The following CPT1A variants were observed in gnomAD, a reference collection of about 807,000 sequenced individuals.
The protein encoded by CPT1A is carnitine O-palmitoyltransferase 1, liver isoform.
CPT1A carries 64 observed loss-of-function variants against 100.8 expected under a neutral mutation model. That is an observed-to-expected ratio of 0.63 (90% CI 0.52 to 0.78). The LOEUF is 0.78. CPT1A is among the 30% of genes least tolerant of loss of function. The probability of loss-of-function intolerance (pLI) is 0.00; values close to 1 mark genes in which losing one functional copy is unlikely to be tolerated. For synonymous variants in CPT1A, 363 were observed against 396.0 expected (o/e 0.92, Z 0.99); for missense variants, 802 against 1,034.1 (o/e 0.78, Z 3.08).
intron 1 of CPT1A, among the ~76,000 whole-genome samples, chr11:68,838,651 G>GCAGTCTC (rs1467493771): frequency 6.8e-6 from 1 of 147,844 alleles, no homozygotes; most frequent in Non-Finnish European, 1.5e-5. Flanking sequence ...ATAGCTCACT[G>GCAGTCTC]CAGTCTCCAC....
intron 6 of CPT1A, among the ~76,000 whole-genome samples, 163 bp downstream of exon 6, chr11:68,799,055 C>T (rs941514480): frequency 6.6e-6 from 1 of 152,198 alleles, no homozygotes; most frequent in Admixed American, 6.5e-5. Context: ...TCCTAACACA[C>T]ACACACTCCA....
rs1376300831 is a variant in CPT1A at position 68,757,478 on chromosome 11, G to C, written c.*166C>G. 6.7e-7 allele frequency: 1 copy of C among 1,496,948 alleles called. No homozygotes were observed. Among genetic ancestry groups the C allele is most frequent in the African/African-American group, 1.4e-5 (1 of 71,570 alleles). 92.7% of individuals were successfully genotyped at this position (1,496,948 alleles called of 1,614,324 possible). A position where few individuals can be genotyped will look rare whatever the true frequency, so the allele number is the denominator to read the frequency against. Reference sequence around the variant, plus strand: ...AAGTAGTGGGGTTATGCTTCACAGGGGAGAGATACTGTTCTAGGAAAAAAA... The same window carrying C: ...AAGTAGTGGGGTTATGCTTCACAGGCGAGAGATACTGTTCTAGGAAAAAAA... On this transcript the variant is annotated 3_prime_UTR_variant, in exon 19 of 19. Coordinates refer to ENST00000265641, the MANE Select transcript of CPT1A (RefSeq NM_001876.4).
At chr11:68,814,750 A>C (rs977334898) in intron 2 of CPT1A, among the ~76,000 whole-genome samples, 3 of 151,670 alleles carry the variant, frequency 2.0e-5, no homozygotes, top group Admixed American at 2.0e-4. Flanking sequence ...GTGGTGGCTC[A>C]ATCATGGCTC....
chr11:68,825,733 C>T (rs1235363060), intron 1 of CPT1A, among the ~76,000 whole-genome samples: 1 of 151,984 alleles, frequency 6.6e-6, no homozygotes. Flanking sequence ...GGTGCTTCCT[C>T]TTCAGGCAGG....
At chr11:68,762,791 G>A in intron 14 of CPT1A, 30 bp from the exon 15 acceptor site, 3 of 1,613,460 alleles carry the variant, frequency 1.9e-6, no homozygotes, top group Non-Finnish European at 1.7e-6. Flanking sequence ...TCAGTGCACG[G>A]CAGGGCATGC....
Position 68,794,938 on chromosome 11 carries a change from T to C in CPT1A, c.772-27A>G, listed in dbSNP as rs191634333. 9.9e-5 allele frequency: 156 copies of C among 1,577,810 alleles called. No individual in the cohort carries two copies. In the Admixed American group the frequency reaches 2.6e-3, roughly 26 times the overall value. ...TGAAAAGCGACAAAGGTGGAGAGAA[T>C]TTGCATAGGGAAAGATAAGCAAATT... On this transcript the variant is annotated intron_variant, in intron 7 of 18. Transcript: ENST00000265641.
At chr11:68,778,331 G>A (rs1855197197) in intron 12 of CPT1A, among the ~76,000 whole-genome samples, 1 of 152,122 alleles carries the variant, frequency 6.6e-6, no homozygotes, top group Non-Finnish European at 1.5e-5. Context: ...AAGCCAGGGG[G>A]AAAAGCCTTC....
At chr11:68,792,046 A>G (rs1855629629) in intron 9 of CPT1A, among the ~76,000 whole-genome samples, 1 of 151,964 alleles carries the variant, frequency 6.6e-6, no homozygotes, top group Non-Finnish European at 1.5e-5. Context: ...GACACTCAAA[A>G]CTGCAGGTCA....
intron 18 of CPT1A, 24 bp downstream of exon 18, chr11:68,759,545 A>T: frequency 4.0e-6 from 6 of 1,499,218 alleles, no homozygotes; most frequent in Non-Finnish European, 4.6e-6. Context: ...ATCTTCAGAA[A>T]AAGGAACTTC....
At chr11:68,798,605 C>T (rs1566366352) in intron 6 of CPT1A, among the ~76,000 whole-genome samples, 1 of 148,674 alleles carries the variant, frequency 6.7e-6, no homozygotes, top group Non-Finnish European at 1.5e-5. Flanking sequence ...GCTCCTGGGA[C>T]CACCGAGCCA....
intron 12 of CPT1A, among the ~76,000 whole-genome samples, chr11:68,777,259 G>A (rs929320792): frequency 2.6e-5 from 4 of 152,010 alleles, no homozygotes; most frequent in East Asian, 1.9e-4. Context: ...GCAAAACCCC[G>A]TCTCTACAAA....
chr11:68,773,571 G>T, intron 13 of CPT1A, 142 bp from the exon 14 acceptor site: 1 of 1,472,170 alleles, frequency 6.8e-7, no homozygotes, highest in Non-Finnish European at 9.1e-7. Context: ...TGACCCAGAA[G>T]CCCTAGTAAG....
intron 1 of CPT1A, among the ~76,000 whole-genome samples, chr11:68,836,962 C>A (rs1306652103): frequency 6.6e-6 from 1 of 152,112 alleles, no homozygotes; most frequent in Non-Finnish European, 1.5e-5. Flanking sequence ...GTTGGCAAAT[C>A]AGGGATAAAT....
intron 1 of CPT1A, among the ~76,000 whole-genome samples, chr11:68,816,392 G>A (rs1206892147): frequency 6.6e-6 from 1 of 152,218 alleles, no homozygotes; most frequent in Non-Finnish European, 1.5e-5. Context: ...CGGCTGAAAC[G>A]GAACGTGCCT....
At chr11:68,761,003 A>C (rs1946797981) in intron 16 of CPT1A, among the ~76,000 whole-genome samples, 1 of 151,968 alleles carries the variant, frequency 6.6e-6, no homozygotes, top group Non-Finnish European at 1.5e-5. Flanking sequence ...CCTGGGTGAC[A>C]GAGCGAGACT....
intron 14 of CPT1A, among the ~76,000 whole-genome samples, chr11:68,769,189 G>C (rs971404821): frequency 6.6e-6 from 1 of 152,020 alleles, no homozygotes; most frequent in Non-Finnish European, 1.5e-5. Flanking sequence ...TCCATTACAC[G>C]TTATTTCCCA....
intron 6 of CPT1A, among the ~76,000 whole-genome samples, chr11:68,798,417 C>G (rs920489311): frequency 4.6e-5 from 7 of 152,330 alleles, no homozygotes; most frequent in Non-Finnish European, 8.8e-5. Context: ...CTAGCGCCAC[C>G]TGCTGGTTCT....
At chr11:68,805,404 T>C (rs1217178090) in intron 4 of CPT1A, among the ~76,000 whole-genome samples, 1 of 151,776 alleles carries the variant, frequency 6.6e-6, no homozygotes, top group East Asian at 1.9e-4. Context: ...TGAGCCGAGA[T>C]TGCACCACTG....
intron 14 of CPT1A, among the ~76,000 whole-genome samples, chr11:68,773,000 G>A (rs1170690839): frequency 6.6e-6 from 1 of 152,190 alleles, no homozygotes; most frequent in Non-Finnish European, 1.5e-5. Flanking sequence ...AGAGTGATGA[G>A]ATCTCACTTT....
Sources: gnomAD v4.1 joint callset for allele counts (sites outside exome capture counted in the v4.1 genomes callset) on GRCh38, gnomAD v4.1.1 for gene constraint, MANE v1.5 for transcripts, NCBI Gene and HGNC (gene_info 2026-07-23, HGNC 2026-07-21) for gene names.